The following SPIDR variants were observed in gnomAD, a reference collection of about 807,000 sequenced individuals.
SPIDR encodes DNA repair-scaffolding protein.
Under a neutral mutation model 104.6 loss-of-function variants are expected in SPIDR, and 93 were observed. That is an observed-to-expected ratio of 0.89 (90% CI 0.75 to 1.06). The LOEUF (loss-of-function observed/expected upper bound fraction) is 1.06. SPIDR is among the 50% of genes least tolerant of loss of function. SPIDR has a pLI of 0.00. For synonymous variants in SPIDR, 431 were observed against 416.9 expected (o/e 1.03, Z -0.41); for missense variants, 1,154 against 1,111.2 (o/e 1.04, Z -0.55).
intron 5 of SPIDR, among the ~76,000 whole-genome samples, chr8:47,324,999 C>T (rs2047424358): frequency 6.6e-6 from 1 of 152,080 alleles, no homozygotes; most frequent in Non-Finnish European, 1.5e-5. Context: ...ATAAGGATGT[C>T]AGTCAGATTG....
At chr8:47,350,769 T>C (rs1432671591) in intron 5 of SPIDR, among the ~76,000 whole-genome samples, 1 of 152,262 alleles carries the variant, frequency 6.6e-6, no homozygotes, top group African/African-American at 2.4e-5. Context: ...AAAGCAGTAC[T>C]ATAACATTTG....
intron 10 of SPIDR, among the ~76,000 whole-genome samples, chr8:47,629,773 A>AT (rs1393559794): frequency 2.6e-5 from 4 of 152,256 alleles, no homozygotes; most frequent in Non-Finnish European, 5.9e-5. Context: ...AACTTTATGT[A>AT]TAAAAATCGG....
intron 14 of SPIDR, among the ~76,000 whole-genome samples, chr8:47,707,252 C>CAAAAAA (rs34372972): frequency 1.0e-5 from 1 of 95,434 alleles, no homozygotes; most frequent in Non-Finnish European, 2.1e-5. Context: ...GACTCTTTCT[C>CAAAAAA]AAAAAAAAAA....
At chr8:47,513,523 C>T (rs912940265) in intron 8 of SPIDR, among the ~76,000 whole-genome samples, 8 of 152,142 alleles carry the variant, frequency 5.3e-5, no homozygotes, top group Admixed American at 3.3e-4. Flanking sequence ...CAACAGTTCT[C>T]CAGTTTAGGT....
chr8:47,466,900 AATATAT>A (rs1554717438), intron 8 of SPIDR, among the ~76,000 whole-genome samples: 1 of 114,340 alleles, frequency 8.7e-6, no homozygotes. Context: ...AAAAAAAAAA[AATATAT>A]ATATATATAG....
At chr8:47,538,634 G>C (rs2087426386) in intron 8 of SPIDR, among the ~76,000 whole-genome samples, 1 of 152,054 alleles carries the variant, frequency 6.6e-6, no homozygotes, top group African/African-American at 2.4e-5. Flanking sequence ...TCTGGTCCAA[G>C]TAATTATATT....
At chr8:47,357,516 G>T (rs539430122) in intron 5 of SPIDR, among the ~76,000 whole-genome samples, 2 of 152,126 alleles carry the variant, frequency 1.3e-5, no homozygotes, top group African/African-American at 2.4e-5. Context: ...GAAGAAATTC[G>T]CTCAAATCAA....
chr8:47,547,354 A>T, intron 8 of SPIDR: 1 of 444,734 alleles, frequency 2.2e-6, no homozygotes, highest in South Asian at 2.1e-5. Context: ...AGGGTGGGTT[A>T]TATCAGTTCG....
At chr8:47,690,886 A>G (rs1020004099) in intron 11 of SPIDR, among the ~76,000 whole-genome samples, 7 of 152,228 alleles carry the variant, frequency 4.6e-5, no homozygotes, top group African/African-American at 1.7e-4. Flanking sequence ...AATTTATCTT[A>G]TATAATTATA....
intron 8 of SPIDR, among the ~76,000 whole-genome samples, chr8:47,567,645 G>C (rs1278594668): frequency 6.6e-6 from 1 of 152,146 alleles, no homozygotes; most frequent in Admixed American, 6.6e-5. Context: ...AGTGAGGTTA[G>C]TATGGTAGGA....
intron 8 of SPIDR, among the ~76,000 whole-genome samples, chr8:47,514,380 C>G (rs1265217203): frequency 6.6e-6 from 1 of 152,174 alleles, no homozygotes; most frequent in Non-Finnish European, 1.5e-5. Context: ...AACATGCACT[C>G]ACTGCTCTGT....
chr8:47,295,036 A>G (rs2040591401), intron 5 of SPIDR, among the ~76,000 whole-genome samples: 1 of 151,940 alleles, frequency 6.6e-6, no homozygotes, highest in Non-Finnish European at 1.5e-5. Context: ...CTGTTGCTAC[A>G]TCTTCTAGTT....
intron 5 of SPIDR, among the ~76,000 whole-genome samples, chr8:47,370,146 G>A (rs1419040444): frequency 6.6e-6 from 1 of 152,164 alleles, no homozygotes; most frequent in Non-Finnish European, 1.5e-5. Context: ...TATGAAGTGA[G>A]TGGTGATTAC....
At chr8:47,425,633 A>T (rs1554684150) in intron 7 of SPIDR, among the ~76,000 whole-genome samples, 1 of 152,198 alleles carries the variant, frequency 6.6e-6, no homozygotes, top group African/African-American at 2.4e-5. Context: ...AATAGATTTT[A>T]AATGTTCCAT....
At chr8:47,434,974 A>AT (rs1411009972) in intron 7 of SPIDR, among the ~76,000 whole-genome samples, 1 of 150,702 alleles carries the variant, frequency 6.6e-6, no homozygotes, top group African/African-American at 2.4e-5. Flanking sequence ...TCTTTTTTTC[A>AT]TTTTTTTTCT....
intron 6 of SPIDR, among the ~76,000 whole-genome samples, chr8:47,407,069 C>A (rs1421943620): frequency 6.6e-6 from 1 of 152,148 alleles, no homozygotes; most frequent in Non-Finnish European, 1.5e-5. Flanking sequence ...TTGATAACTT[C>A]TCTTTCTCTC....
intron 1 of SPIDR, among the ~76,000 whole-genome samples, chr8:47,261,640 A>G (rs1162532798): frequency 2.0e-5 from 3 of 152,246 alleles, no homozygotes; most frequent in Non-Finnish European, 2.9e-5. Flanking sequence ...TTTGTCTCAT[A>G]GTAAAACGGT....
chr8:47,671,585 A>AAATAAATAAAT (rs2075801018), intron 10 of SPIDR, among the ~76,000 whole-genome samples: 6 of 142,784 alleles, frequency 4.2e-5, no homozygotes, highest in African/African-American at 1.6e-4. Flanking sequence ...ACTCCATCTC[A>AAATAAATAAAT]AAATAAATAA....
At chr8:47,586,350 A>G (rs1243138093) in intron 8 of SPIDR, among the ~76,000 whole-genome samples, 2 of 152,130 alleles carry the variant, frequency 1.3e-5, no homozygotes, top group African/African-American at 4.8e-5. Context: ...TAGTTATACA[A>G]TTTTACATTT....
Sources: allele counts gnomAD v4.1 joint callset (sites outside exome capture counted in the v4.1 genomes callset), GRCh38; gene constraint gnomAD v4.1.1; transcripts MANE v1.5; gene names NCBI Gene and HGNC (gene_info 2026-07-23, HGNC 2026-07-21).